Variants in EVI5 observed in about 807,000 individuals in gnomAD.
EVI5 encodes the protein ecotropic viral integration site 5 protein homolog.
In EVI5, 73 loss-of-function variants were observed where a neutral mutation model predicts 112.0. The observed-to-expected ratio is 0.65, with a 90% CI of 0.54 to 0.79. The LOEUF (loss-of-function observed/expected upper bound fraction) is 0.79. EVI5 is among the 30% of genes least tolerant of loss of function. The probability of loss-of-function intolerance (pLI) is 0.00; values close to 1 mark genes in which losing one functional copy is unlikely to be tolerated. For synonymous variants in EVI5, 305 were observed against 319.9 expected (o/e 0.95, Z 0.50); for missense variants, 900 against 968.8 (o/e 0.93, Z 0.94).
chr1:92,593,638 T>C (rs1458381633), intron 18 of EVI5, among the ~76,000 whole-genome samples: 1 of 152,172 alleles, frequency 6.6e-6, no homozygotes, highest in Non-Finnish European at 1.5e-5. Context: ...TTGTCCCTGT[T>C]TGCAGATGAC....
chr1:92,736,676 T>C lies in EVI5; in HGVS notation c.-81-49A>G, dbSNP rs770201139. On this transcript the variant is annotated intron_variant, in intron 1 of 19. Transcript: ENST00000684568. ...ATATACTTTAGTTACACTGTATTCA[T>C]TACCGAGAACTTAATAATTCTGTTA... The C allele has an allele frequency of 2.6e-6, 3 of 1,157,318 alleles. No homozygotes were observed. The African/African-American group carries it at 4.5e-5, about 18-fold the overall frequency. 71.7% of individuals were successfully genotyped at this position (1,157,318 alleles called of 1,614,324 possible). A position where few individuals can be genotyped will look rare whatever the true frequency, so the allele number is the denominator to read the frequency against.
chr1:92,604,148 G>A (rs933407189), intron 18 of EVI5, among the ~76,000 whole-genome samples: 1 of 151,818 alleles, frequency 6.6e-6, no homozygotes, highest in African/African-American at 2.4e-5. Flanking sequence ...CCAGGAGTTC[G>A]AAACCAGCCT....
In EVI5 at chr1:92,512,658, C is replaced by T. The variant is rs1325768155; in HGVS notation, c.*998G>A. ...TGTAGTTAACCTACTACTCTAGTAACCAACACATGGAAGCATCATATGCAC... is the reference window on the plus strand; with the variant it reads ...TGTAGTTAACCTACTACTCTAGTAATCAACACATGGAAGCATCATATGCAC... On this transcript the variant is annotated 3_prime_UTR_variant, in exon 20 of 20. Coordinates refer to ENST00000684568, the MANE Select transcript of EVI5 (RefSeq NM_001350197.2). 1 of 152,050 alleles carries T rather than the reference C, an allele frequency of 6.6e-6. No individual in the cohort carries two copies. The allele number at this position is 152,050 out of a possible 1,614,324, so 9.4% of individuals were successfully genotyped here.
rs1006350166 is a variant in EVI5, at chr1:92,596,853, T to C, written c.2070+8454A>G. On this transcript the variant is annotated intron_variant, in intron 18 of 19. Coordinates refer to ENST00000684568, the MANE Select transcript of EVI5 (RefSeq NM_001350197.2). ...TGTTAAAGACTATCTTTAAGGAAAC[T>C]CAAAGAGTTTCAGAACTTTCTAGTT... Among the ~76,000 whole-genome samples, 3 of 152,146 alleles carry C rather than the reference T, an allele frequency of 2.0e-5. No homozygotes were observed. In the East Asian group the frequency reaches 5.8e-4, roughly 29 times the overall value.
chr1:92,745,019 C>A (rs920912025), intron 1 of EVI5, among the ~76,000 whole-genome samples: 2 of 151,990 alleles, frequency 1.3e-5, no homozygotes, highest in Non-Finnish European at 2.9e-5. Flanking sequence ...CAGTCTCAAC[C>A]TCCCAAGCTC....
intron 16 of EVI5, among the ~76,000 whole-genome samples, chr1:92,617,769 A>T (rs1227088021): frequency 2.0e-5 from 3 of 152,206 alleles, no homozygotes; most frequent in Non-Finnish European, 4.4e-5. Context: ...GACCTTTTCC[A>T]TCATGGAAAG....
intron 17 of EVI5, among the ~76,000 whole-genome samples, chr1:92,605,816 A>G (rs1283092986): frequency 6.6e-6 from 1 of 152,206 alleles, no homozygotes; most frequent in Non-Finnish European, 1.5e-5. Flanking sequence ...CATTTTACAC[A>G]ACTAAAAATA....
chr1:92,555,915 T>C (rs1571511737), intron 19 of EVI5, among the ~76,000 whole-genome samples: 1 of 151,128 alleles, frequency 6.6e-6, no homozygotes, highest in Non-Finnish European at 1.5e-5. Context: ...TCATTCAGTA[T>C]GAAATAAAGA....
At chr1:92,549,648 A>G (rs1032948821) in intron 19 of EVI5, among the ~76,000 whole-genome samples, 1 of 152,196 alleles carries the variant, frequency 6.6e-6, no homozygotes, top group Non-Finnish European at 1.5e-5. Context: ...AAACAAATTT[A>G]CAAGAAAAAA....
chr1:92,667,828 G>T (rs1420049353), intron 10 of EVI5, among the ~76,000 whole-genome samples: 2 of 152,134 alleles, frequency 1.3e-5, no homozygotes, highest in Non-Finnish European at 2.9e-5. Flanking sequence ...TGTTAGCCAG[G>T]ATGGTCTTGA....
intron 1 of EVI5, among the ~76,000 whole-genome samples, chr1:92,751,883 C>T (rs927556079): frequency 1.3e-5 from 2 of 151,846 alleles, no homozygotes; most frequent in African/African-American, 4.8e-5. Flanking sequence ...CATGGTGGTG[C>T]ACGCCTATAA....
chr1:92,737,763 G>C (rs1677694221), intron 1 of EVI5, among the ~76,000 whole-genome samples: 1 of 152,104 alleles, frequency 6.6e-6, no homozygotes, highest in Non-Finnish European at 1.5e-5. Context: ...GAAATTCCAT[G>C]TACGGAAAGG....
chr1:92,623,470 T>C (rs1316266728), intron 16 of EVI5, among the ~76,000 whole-genome samples: 1 of 152,212 alleles, frequency 6.6e-6, no homozygotes, highest in Non-Finnish European at 1.5e-5. Context: ...ATGTACCACA[T>C]GAAAACCAAA....
At chr1:92,557,710 A>C (rs1163543963) in intron 19 of EVI5, among the ~76,000 whole-genome samples, 1 of 151,812 alleles carries the variant, frequency 6.6e-6, no homozygotes, top group Non-Finnish European at 1.5e-5. Context: ...CAAATCATAA[A>C]AAATTCCGAA....
chr1:92,632,829 C>T (rs1236287905), intron 14 of EVI5, among the ~76,000 whole-genome samples: 2 of 152,216 alleles, frequency 1.3e-5, no homozygotes, highest in African/African-American at 4.8e-5. Flanking sequence ...AAATTTCCCT[C>T]TACACACTGC....
intron 2 of EVI5, among the ~76,000 whole-genome samples, chr1:92,726,956 A>G (rs772129947): frequency 2.2e-4 from 33 of 152,184 alleles, no homozygotes; most frequent in South Asian, 1.0e-3. Context: ...ACAAAATCAT[A>G]AAAATATTCA....
intron 2 of EVI5, among the ~76,000 whole-genome samples, chr1:92,720,832 A>G (rs891596094): frequency 3.3e-5 from 5 of 152,248 alleles, no homozygotes; most frequent in Admixed American, 6.5e-5. Context: ...TTTACAAGAA[A>G]AAAACAAACA....
chr1:92,555,514 T>C (rs945584227), intron 19 of EVI5, among the ~76,000 whole-genome samples: 4 of 152,144 alleles, frequency 2.6e-5, no homozygotes, highest in African/African-American at 9.7e-5. Context: ...CTTGGAACTT[T>C]GTGTTACCTA....
At chr1:92,634,230 C>T (rs1290426209) in intron 14 of EVI5, among the ~76,000 whole-genome samples, 1 of 152,128 alleles carries the variant, frequency 6.6e-6, no homozygotes, top group African/African-American at 2.4e-5. Flanking sequence ...GTTGGCCTGC[C>T]TTGCTAGATT....
Sources: gnomAD v4.1 joint callset for allele counts (sites outside exome capture counted in the v4.1 genomes callset) on GRCh38, gnomAD v4.1.1 for gene constraint, MANE v1.5 for transcripts, NCBI Gene and HGNC (gene_info 2026-07-23, HGNC 2026-07-21) for gene names.